The following GAK variants were observed in gnomAD, a reference collection of about 807,000 sequenced individuals.
The protein encoded by GAK is cyclin-G-associated kinase.
A neutral mutation model predicts 143.9 loss-of-function variants in GAK; 79 were observed. The observed-to-expected ratio is 0.55, with a 90% CI of 0.46 to 0.66. The LOEUF is 0.66. Among genes scored for constraint, GAK ranks in the 30% least tolerant of loss-of-function variants. GAK has a pLI of 0.00. For synonymous variants in GAK, 881 were observed against 765.5 expected, an observed-to-expected ratio of 1.15 and a Z score of -2.49; for missense variants, 1,693 against 1,779.7, an observed-to-expected ratio of 0.95 and a Z score of 0.88.
chr4:922,371 G>A (rs905294861), intron 1 of GAK, among the ~76,000 whole-genome samples: 2 of 151,866 alleles, frequency 1.3e-5, no homozygotes, highest in East Asian at 1.9e-4. Flanking sequence ...AAAAATCAGC[G>A]GCGCATGGTG....
intron 1 of GAK, among the ~76,000 whole-genome samples, chr4:914,457 C>G (rs1376617702): frequency 9.9e-6 from 1 of 100,996 alleles, no homozygotes; most frequent in South Asian, 4.5e-4. Context: ...ACACACACAG[C>G]CCCAGTGTGC....
At chr4:885,603 G>A (rs1270082432) in intron 11 of GAK, among the ~76,000 whole-genome samples, 1 of 152,174 alleles carries the variant, frequency 6.6e-6, no homozygotes, top group Non-Finnish European at 1.5e-5. Context: ...ACCGGATGCT[G>A]ACGGGACAGA....
intron 18 of GAK, among the ~76,000 whole-genome samples, chr4:874,544 G>A (rs997189590): frequency 1.3e-5 from 2 of 152,090 alleles, no homozygotes. Flanking sequence ...AGCTGCCTTC[G>A]GGTGTCACTC....
chr4:859,513 G>T (rs754400914), intron 24 of GAK, 93 bp downstream of exon 24: 9 of 1,597,866 alleles, frequency 5.6e-6, no homozygotes, highest in Non-Finnish European at 7.7e-6. Context: ...CAGAGGCAAA[G>T]ACTTCACTTT....
At chr4:891,719 G>A (rs1034767351) in intron 9 of GAK, among the ~76,000 whole-genome samples, 4 of 152,046 alleles carry the variant, frequency 2.6e-5, no homozygotes, top group African/African-American at 7.2e-5. Context: ...ACCCCCCTGC[G>A]AGCCCACTGT....
intron 11 of GAK, chr4:886,851 G>A (rs1352459410): frequency 6.6e-6 from 1 of 152,314 alleles, no homozygotes; most frequent in Non-Finnish European, 1.5e-5. Flanking sequence ...GCGTCACAGA[G>A]GAGGTGCCCA....
At chr4:929,490 G>T (rs1360265974) in intron 1 of GAK, among the ~76,000 whole-genome samples, 1 of 152,098 alleles carries the variant, frequency 6.6e-6, no homozygotes, top group African/African-American at 2.4e-5. Context: ...CCAAAACAAA[G>T]AACACACAGC....
At chr4:903,870 C>A (rs890027531) in intron 5 of GAK, among the ~76,000 whole-genome samples, 4 of 152,248 alleles carry the variant, frequency 2.6e-5, no homozygotes, top group Non-Finnish European at 5.9e-5. Context: ...GCTGTGAGCA[C>A]CCCCAACTGG....
chr4:869,371 G>C (rs1440777823), intron 19 of GAK: 15 of 131,250 alleles, frequency 1.1e-4, no homozygotes, highest in African/African-American at 4.5e-4. Context: ...CACATGCAGG[G>C]TACACACGAA....
At chr4:909,828 T>G (rs1721726541) in intron 4 of GAK, among the ~76,000 whole-genome samples, 1 of 152,134 alleles carries the variant, frequency 6.6e-6, no homozygotes, top group Non-Finnish European at 1.5e-5. Context: ...AGTTTGACGT[T>G]TCAGAACACA....
chr4:886,747 C>A (rs1716413862), intron 11 of GAK: 1 of 152,248 alleles, frequency 6.6e-6, no homozygotes, highest in African/African-American at 2.4e-5. Context: ...CAGGACCCTG[C>A]AGGAGCCACA....
chr4:888,710 T>C, intron 11 of GAK, 137 bp downstream of exon 11: 1 of 1,003,932 alleles, frequency 1.0e-6, no homozygotes, highest in Non-Finnish European at 1.4e-6. Flanking sequence ...GAGAAGCGGG[T>C]GATGCTGTCC....
At position 896,497 on chromosome 4, in the gene GAK, T is replaced by C; in HGVS notation, c.704A>G (p.Tyr235Cys). 1 of 1,614,110 alleles carries C rather than the reference T, an allele frequency of 6.2e-7. No homozygotes were observed. The highest frequency in any genetic ancestry group is 8.5e-7 in the Non-Finnish European group (1 of 1,179,962). The stretch of plus-strand genomic sequence containing the variant: ...CTTCTCGCCGATCGGGAAGTTGGAA[T>C]ACAAGTCTATGATTTCTGGTGTTCT... ...MYRTPEIIDL[Y>C]SNFPIGEKQD... The change falls in exon 7 of 28, where the codon TAT becomes TGT. Residue 235 changes from tyrosine (Y) to cysteine (C), a missense_variant. Coordinates refer to ENST00000314167, the MANE Select transcript of GAK (RefSeq NM_005255.4).
chr4:916,702 G>A (rs900925355), intron 1 of GAK, among the ~76,000 whole-genome samples: 31 of 152,174 alleles, frequency 2.0e-4, no homozygotes, highest in African/African-American at 7.2e-4. Context: ...ACCAAGTGTC[G>A]CTGAGGATGT....
intron 1 of GAK, among the ~76,000 whole-genome samples, chr4:921,154 G>A (rs1473085258): frequency 6.6e-6 from 1 of 152,014 alleles, no homozygotes; most frequent in Admixed American, 6.6e-5. Context: ...CCAGGCTGGA[G>A]TGCAGTGGCA....
chr4:873,223 C>A (rs1344152557), intron 18 of GAK, among the ~76,000 whole-genome samples: 1 of 152,232 alleles, frequency 6.6e-6, no homozygotes, highest in Non-Finnish European at 1.5e-5. Context: ...CCCCACACAT[C>A]TGGTAAGTGG....
chr4:911,867 T>A, intron 3 of GAK, 80 bp from the exon 4 acceptor site: 1 of 1,073,966 alleles, frequency 9.3e-7, no homozygotes, highest in Non-Finnish European at 1.4e-6. Context: ...TAGACAATAT[T>A]AACACACTGA....
chr4:910,442 G>A (rs940694709), intron 4 of GAK, among the ~76,000 whole-genome samples: 2 of 147,488 alleles, frequency 1.4e-5, no homozygotes, highest in Non-Finnish European at 3.0e-5. Flanking sequence ...CTTCCACGAC[G>A]CTCAGGGCCC....
intron 27 of GAK, 59 bp from the exon 28 acceptor site, chr4:849,833 G>GGGGGGGGGGGGC: frequency 1.7e-6 from 2 of 1,190,140 alleles, no homozygotes; most frequent in Non-Finnish European, 2.3e-6. Context: ...GGCGGGGCAG[G>GGGGGGGGGGGGC]ACCCCCCCCC....
Sources: gnomAD v4.1 joint callset for allele counts (sites outside exome capture counted in the v4.1 genomes callset) on GRCh38, gnomAD v4.1.1 for gene constraint, MANE v1.5 for transcripts, NCBI Gene and HGNC (gene_info 2026-07-23, HGNC 2026-07-21) for gene names.